FAAP100: variants seen among roughly 807,000 people sequenced by gnomAD.
FAAP100 encodes FA core complex associated protein 100, also known as Fanconi anemia core complex-associated protein 100.
FAAP100 carries 46 observed loss-of-function variants against 65.8 expected under a neutral mutation model. The observed-to-expected ratio is 0.70, with a 90% CI of 0.55 to 0.89. The LOEUF (loss-of-function observed/expected upper bound fraction) is 0.89, where lower values mean the gene tolerates loss of function less well. Ranked by LOEUF, FAAP100 falls within the 40% of genes least tolerant of loss-of-function variation. FAAP100 has a pLI of 0.00. For missense variants in FAAP100, 1,165 were observed against 1,196.7 expected, an observed-to-expected ratio of 0.97 and a Z score of 0.39; for synonymous variants, 663 against 555.1, an observed-to-expected ratio of 1.19 and a Z score of -2.73.
chr17:81,552,549 C>T (rs1305323756), upstream of FAAP100, among the ~76,000 whole-genome samples: 1 of 152,166 alleles, frequency 6.6e-6, no homozygotes, highest in African/African-American at 2.4e-5. Context: ...GGCCGCGGCA[C>T]CGTGCCGCAG....
At chr17:81,542,145 C>T (rs1294311246) in intron 7 of FAAP100, among the ~76,000 whole-genome samples, 8 of 117,270 alleles carry the variant, frequency 6.8e-5, no homozygotes, top group East Asian at 4.9e-4. Flanking sequence ...CCAGCCTGGG[C>T]GACAGAGTGA....
intron 5 of FAAP100, 25 bp from the exon 6 acceptor site, chr17:81,545,907 GCTC>G (rs761503597): frequency 3.1e-6 from 5 of 1,593,572 alleles, no homozygotes; most frequent in Non-Finnish European, 4.2e-6. Context: ...TCAGCCGAGA[GCTC>G]AGCCTGATCC....
chr17:81,549,528 G>A (rs2143958781), intron 3 of FAAP100, among the ~76,000 whole-genome samples, 166 bp from the exon 4 acceptor site: 1 of 152,342 alleles, frequency 6.6e-6, no homozygotes, highest in African/African-American at 2.4e-5. Flanking sequence ...CCGACCCTGG[G>A]CTTCTGTCAG....
chr17:81,551,406 C>T (rs1279200918), intron 2 of FAAP100, among the ~76,000 whole-genome samples: 1 of 152,282 alleles, frequency 6.6e-6, no homozygotes, highest in Non-Finnish European at 1.5e-5. Flanking sequence ...CCAAAACCAG[C>T]GTGAACCGAC....
chr17:81,541,058 G>C (rs1416177296), intron 8 of FAAP100, 108 bp from the exon 9 acceptor site: 2 of 1,373,876 alleles, frequency 1.5e-6, no homozygotes, highest in Non-Finnish European at 1.9e-6. Context: ...GAAGTGGCAG[G>C]TGGTCCGAGG....
chr17:81,540,627 C>T lies in FAAP100; in HGVS notation c.*192G>A. The stretch of plus-strand genomic sequence containing the variant: ...AGGTTCAGAGCCCGCCTCGGTTGCT[C>T]CCAATCAGAATCTGCTTTGTGCTCC... On this transcript the variant is annotated 3_prime_UTR_variant, in exon 9 of 9. Coordinates refer to ENST00000327787, the MANE Select transcript of FAAP100 (RefSeq NM_025161.6). 1 of 738,862 alleles carries T rather than the reference C, an allele frequency of 1.4e-6. No individual in the cohort carries two copies. The highest frequency in any genetic ancestry group is 2.0e-6 in the Non-Finnish European group (1 of 507,738). The allele number at this position is 738,862 out of a possible 1,614,324, so 45.8% of individuals were successfully genotyped here.
chr17:81,545,018 A>G (rs59562979), intron 6 of FAAP100, among the ~76,000 whole-genome samples: 6,699 of 152,256 alleles, frequency 0.044, 304 homozygotes, highest in African/African-American at 0.12. Flanking sequence ...AAAAACACAA[A>G]AATTAGCTGG....
chr17:81,546,556 T>G, intron 5 of FAAP100: 1 of 251,918 alleles, frequency 4.0e-6, no homozygotes, highest in African/African-American at 2.2e-5. Flanking sequence ...AAGAAATACA[T>G]GGTGAGAGGG....
At chr17:81,544,540 G>A (rs72854495) in intron 6 of FAAP100, among the ~76,000 whole-genome samples, 13,933 of 152,290 alleles carry the variant, frequency 0.091, 1,019 homozygotes, top group Admixed American at 0.26. Context: ...GATCACCTCT[G>A]GCAGCAGGGT....
intron 6 of FAAP100, among the ~76,000 whole-genome samples, chr17:81,544,396 G>A (rs556939030): frequency 2.6e-3 from 392 of 152,326 alleles, no homozygotes; most frequent in African/African-American, 8.7e-3. Context: ...TGGAATTCAC[G>A]CAGGGCCTCG....
In FAAP100 at chr17:81,540,050, AG is replaced by A. The variant is rs2033021114; in HGVS notation, c.*768del. ...GGGCCGTAGCCCAGGCTGAGGGAGGAGGCTGGGGGCTGGGGCTCAGGGCCCC... is the reference window on the plus strand; with the variant it reads ...GGGCCGTAGCCCAGGCTGAGGGAGGAGCTGGGGGCTGGGGCTCAGGGCCCC... On this transcript the variant is annotated 3_prime_UTR_variant, in exon 9 of 9. Transcript: ENST00000327787. 1 of 393,562 alleles carries A rather than the reference AG, an allele frequency of 2.5e-6. No homozygotes were observed. Among genetic ancestry groups the A allele is most frequent in the African/African-American group, 2.1e-5 (1 of 47,158 alleles). The allele number at this position is 393,562 out of a possible 1,614,324, so 24.4% of individuals were successfully genotyped here. A position where few individuals can be genotyped will look rare whatever the true frequency, so the allele number is the denominator to read the frequency against.
Position 81,547,181 on chromosome 17 carries a change from T to C in FAAP100, c.1901A>G (p.Glu634Gly). The C allele has an allele frequency of 6.4e-7, 1 of 1,550,938 alleles. No homozygotes were observed. The highest frequency in any genetic ancestry group is 8.7e-7 in the Non-Finnish European group (1 of 1,146,146). The change falls in exon 5 of 9, where the codon GAG becomes GGG. Residue 634 changes from glutamate (E) to glycine (G), a missense_variant. Coordinates refer to ENST00000327787, the MANE Select transcript of FAAP100 (RefSeq NM_025161.6). The stretch of plus-strand genomic sequence containing the variant: ...CAGGGGCAGGCAAACACCCTCTTGC[T>C]CGGGCAGGACGTCGGAGGGGCACTC... ...LDECPSDVLP[E>G]QEGVCLPLSR... is the part of the protein sequence containing the mutation.
Position 81,551,990 on chromosome 17 carries a change from C to G in FAAP100, c.228G>C (p.Leu76=). 3 of 1,566,976 alleles carry G rather than the reference C, an allele frequency of 1.9e-6. No individual in the cohort carries two copies. Among genetic ancestry groups the G allele is most frequent in the Non-Finnish European group, 2.6e-6 (3 of 1,165,856 alleles). ...GGCCCCTCCGGGCGCACAGCGCGTACAGCAACCTGCGCGGCGCCAGCAGCT... is the reference window on the plus strand; with the variant it reads ...GGCCCCTCCGGGCGCACAGCGCGTAGAGCAACCTGCGCGGCGCCAGCAGCT... ...HLELLAPRRL[L]YALCARRGLY... is the part of the protein sequence containing the mutation. Residue 76 remains leucine, a synonymous_variant, in exon 2 of 9, where the codon CTG becomes CTC. Coordinates refer to ENST00000327787, the MANE Select transcript of FAAP100 (RefSeq NM_025161.6).
At chr17:81,549,147 A>T in intron 4 of FAAP100, 59 bp downstream of exon 4, 1 of 1,574,760 alleles carries the variant, frequency 6.4e-7, no homozygotes, top group East Asian at 2.4e-5. Flanking sequence ...CCACACAGGG[A>T]CGCTACCTCC....
chr17:81,541,285 C>T, intron 8 of FAAP100, 24 bp downstream of exon 8: 1 of 1,597,044 alleles, frequency 6.3e-7, no homozygotes, highest in South Asian at 1.1e-5. Flanking sequence ...GGGAAGGGGA[C>T]TGCCCGGGGA....
Position 81,544,108 on chromosome 17 carries a change from C to T in FAAP100, c.2323G>A (p.Asp775Asn), listed in dbSNP as rs550604567. 9 of 1,611,234 alleles carry T rather than the reference C, an allele frequency of 5.6e-6. No homozygotes were observed. Among genetic ancestry groups the T allele is most frequent in the East Asian group, 2.2e-5 (1 of 44,858 alleles). Residue 775 changes from aspartate to asparagine, a missense_variant, in exon 7 of 9, where the codon GAC becomes AAC. By Grantham distance (23) the Asp-to-Asn change is conservative. Transcript: ENST00000327787. ...HLIVREVAMT[D>N]LCPAGPIQAV... ...TGGATGGGCCCTGCTGGGCACAGGT[C>T]AGTCATGGCCACCTGCAACACAGGA...
At chr17:81,550,154 G>C in intron 3 of FAAP100, 94 bp downstream of exon 3, 5 of 1,227,624 alleles carry the variant, frequency 4.1e-6, no homozygotes, top group Non-Finnish European at 5.7e-6. Context: ...AAAAGAACAA[G>C]CCCAGGAAAG....
chr17:81,549,184 C>A, intron 4 of FAAP100, 22 bp downstream of exon 4: 1 of 1,609,448 alleles, frequency 6.2e-7, no homozygotes, highest in South Asian at 1.1e-5. Flanking sequence ...AGCCTCTACC[C>A]GGTCCGAGCT....
chr17:81,552,226 G>A lies in FAAP100; in HGVS notation c.105C>T (p.Val35=), dbSNP rs1435143897. ...CGAGCTCGCTCCCGGTGGACAGGAA[G>A]ACCTCTGCCTCATGGCACAGCACGC... ...KPRVLCHEAE[V]FLSTGSELVY... The change falls in exon 1 of 9, where the codon GTC becomes GTT. Residue 35 remains valine, a synonymous_variant. Coordinates refer to ENST00000327787, the MANE Select transcript of FAAP100 (RefSeq NM_025161.6). 4 of 1,499,766 alleles carry A rather than the reference G, an allele frequency of 2.7e-6. No individual in the cohort carries two copies. The South Asian group carries it at 5.0e-5, about 19-fold the overall frequency. The allele number at this position is 1,499,766 out of a possible 1,614,324, so 92.9% of individuals were successfully genotyped here.
Sources: gnomAD v4.1 joint callset for allele counts (sites outside exome capture counted in the v4.1 genomes callset) on GRCh38, gnomAD v4.1.1 for gene constraint, MANE v1.5 for transcripts, NCBI Gene and HGNC (gene_info 2026-07-23, HGNC 2026-07-21) for gene names.